The following TXNL4A variants were observed in gnomAD, a reference collection of about 807,000 sequenced individuals.
The protein encoded by TXNL4A is thioredoxin-like protein 4A.
Under a neutral mutation model 14.6 loss-of-function variants are expected in TXNL4A, and 17 were observed. The ratio of observed to expected loss-of-function variants is 1.16; its 90% CI spans 0.80 to 1.74. The LOEUF is 1.74. Among genes scored for constraint, TXNL4A ranks in the 40% most tolerant of loss-of-function variants. The pLI is 0.00. For synonymous variants in TXNL4A, 83 were observed against 70.6 expected (o/e 1.18, Z -0.88); for missense variants, 74 against 195.2 (o/e 0.38, Z 3.70).
At chr18:79,981,248 A>G (rs1272678656) in intron 1 of TXNL4A, among the ~76,000 whole-genome samples, 1 of 152,248 alleles carries the variant, frequency 6.6e-6, no homozygotes, top group Non-Finnish European at 1.5e-5. Flanking sequence ...TCATTTGGAC[A>G]GGGTTGTAAA....
At chr18:79,991,545 GTTGA>G (rs1421818870), upstream of TXNL4A, among the ~76,000 whole-genome samples, 2 of 152,194 alleles carry the variant, frequency 1.3e-5, no homozygotes, top group Admixed American at 6.5e-5. Flanking sequence ...TTATCCATCA[GTTGA>G]TTGACATTTG....
At chr18:80,014,447 C>G (rs528910779) in intron 1 of TXNL4A, among the ~76,000 whole-genome samples, 1 of 152,322 alleles carries the variant, frequency 6.6e-6, no homozygotes, top group African/African-American at 2.4e-5. Flanking sequence ...CCATGCAAGT[C>G]TGAAATCCAG....
chr18:79,994,516 C>T (rs905785282), intron 1 of TXNL4A, among the ~76,000 whole-genome samples: 2 of 151,030 alleles, frequency 1.3e-5, no homozygotes, highest in East Asian at 2.0e-4. Flanking sequence ...ACTCTCTAAT[C>T]GTTTTATCTC....
At chr18:80,006,167 C>T (rs1053071584) in intron 1 of TXNL4A, among the ~76,000 whole-genome samples, 5 of 151,666 alleles carry the variant, frequency 3.3e-5, no homozygotes, top group African/African-American at 9.7e-5. Context: ...GGGCGGATCA[C>T]GAGGTCAGGA....
chr18:79,987,551 G>T (rs545846193), intron 1 of TXNL4A, among the ~76,000 whole-genome samples: 48 of 152,238 alleles, frequency 3.2e-4, no homozygotes, highest in African/African-American at 1.1e-3. Flanking sequence ...CTCAATAAAA[G>T]TCATCCTAAA....
chr18:79,987,093 A>C (rs566089027), intron 1 of TXNL4A, among the ~76,000 whole-genome samples: 9 of 152,330 alleles, frequency 5.9e-5, no homozygotes, highest in Non-Finnish European at 1.0e-4. Flanking sequence ...AGGTGGTTCA[A>C]GGTCAAGTCG....
At chr18:80,006,007 C>G (rs906129230) in intron 1 of TXNL4A, among the ~76,000 whole-genome samples, 2 of 152,114 alleles carry the variant, frequency 1.3e-5, no homozygotes, top group African/African-American at 2.4e-5. Flanking sequence ...ATTTTGTAGT[C>G]CCAAGTACTC....
Position 79,982,435 on chromosome 18 carries a change from G to A in TXNL4A, c.154-4734C>T, listed in dbSNP as rs1399402162. 1.3e-5 allele frequency among the ~76,000 whole-genome samples: 2 copies of A among 152,214 alleles called. No homozygotes were observed. Among genetic ancestry groups the A allele is most frequent in the East Asian group, 1.9e-4 (1 of 5,200 alleles). Reference sequence around the variant, plus strand: ...GCTGTACAATGGAGTCTGGGCTGGAGAGAGCTACCTTACTGCCGCCACCTA... The same window carrying A: ...GCTGTACAATGGAGTCTGGGCTGGAAAGAGCTACCTTACTGCCGCCACCTA... On this transcript the variant is annotated intron_variant, in intron 1 of 2. Transcript: ENST00000269601. The surrounding 1 kb of genome is among the most constrained non-coding windows in gnomAD (Gnocchi z 4.0).
At chr18:80,021,993 C>CTTT (rs57141907) in intron 1 of TXNL4A, among the ~76,000 whole-genome samples, 20,996 of 150,206 alleles carry the variant, frequency 0.14, 1,582 homozygotes, top group East Asian at 0.27. Context: ...GCTAGAATAC[C>CTTT]TTTTTTTTTT....
chr18:79,988,177 G>C, intron 1 of TXNL4A, 63 bp downstream of exon 1: 1 of 1,391,558 alleles, frequency 7.2e-7, no homozygotes, highest in Admixed American at 2.2e-5. Context: ...GACGCCGGCA[G>C]GGCAGAGGCG....
chr18:79,991,629 A>C (rs937769080), upstream of TXNL4A, among the ~76,000 whole-genome samples: 8 of 152,152 alleles, frequency 5.3e-5, no homozygotes, highest in African/African-American at 1.9e-4. Flanking sequence ...TTTTGTGTGG[A>C]CTTAAGTTTT....
intron 1 of TXNL4A, among the ~76,000 whole-genome samples, chr18:80,024,266 T>C (rs1455552078): frequency 6.6e-6 from 1 of 152,152 alleles, no homozygotes; most frequent in African/African-American, 2.4e-5. Context: ...TGTTTTTGCA[T>C]TGGCAGAGAG....
chr18:80,015,967 C>T (rs200606731), intron 1 of TXNL4A, among the ~76,000 whole-genome samples: 14,717 of 135,290 alleles, frequency 0.11, 688 homozygotes, highest in East Asian at 0.37. Context: ...AACTAGTTTA[C>T]AGTCCCACCA....
chr18:80,031,201 G>T (rs1290667371), intron 1 of TXNL4A, among the ~76,000 whole-genome samples: 3 of 152,168 alleles, frequency 2.0e-5, no homozygotes, highest in Non-Finnish European at 4.4e-5. Context: ...CTTTGTGCTG[G>T]GAGCAAAGAA....
At chr18:79,989,301 G>A (rs1360801790), upstream of TXNL4A, among the ~76,000 whole-genome samples, 3 of 152,014 alleles carry the variant, frequency 2.0e-5, no homozygotes, top group African/African-American at 7.2e-5. Flanking sequence ...GTAGAGACGG[G>A]GTTTAACCAT....
rs186657536 is a variant in TXNL4A, at chr18:79,982,710, G to A, written c.154-5009C>T. 2.5e-4 allele frequency among the ~76,000 whole-genome samples: 38 copies of A among 152,308 alleles called. No individual in the cohort carries two copies. The highest frequency in any genetic ancestry group is 7.2e-4 in the Admixed American group (11 of 15,306). On this transcript the variant is annotated intron_variant, in intron 1 of 2. Coordinates refer to ENST00000269601, the MANE Select transcript of TXNL4A (RefSeq NM_006701.5). The surrounding 1 kb of genome is among the most constrained non-coding windows in gnomAD (Gnocchi z 4.0). ...TCAGTGTGGACAACTTTCAAAAGCC[G>A]TGGCTATGGAGAGAGAGGGAAGTTA... is the stretch of plus-strand genomic sequence containing the variant.
intron 1 of TXNL4A, among the ~76,000 whole-genome samples, chr18:80,025,352 C>A (rs933849631): frequency 2.6e-5 from 4 of 152,194 alleles, no homozygotes; most frequent in Non-Finnish European, 5.9e-5. Context: ...ACCTACACTC[C>A]CACTGTACCC....
At chr18:80,008,975 A>G (rs575819586) in intron 1 of TXNL4A, among the ~76,000 whole-genome samples, 320 of 151,732 alleles carry the variant, frequency 2.1e-3, no homozygotes, top group Middle Eastern at 0.014. Context: ...ACAAGGTGTC[A>G]CCATATTGGC....
At chr18:80,015,814 A>G (rs1311095335) in intron 1 of TXNL4A, among the ~76,000 whole-genome samples, 6 of 147,706 alleles carry the variant, frequency 4.1e-5, no homozygotes, top group East Asian at 2.0e-4. Context: ...TAGTGCTGCA[A>G]TAAACATATG....
Sources: gnomAD v4.1 joint callset for allele counts (sites outside exome capture counted in the v4.1 genomes callset) on GRCh38, gnomAD v4.1.1 for gene constraint, Gnocchi (gnomAD v3.1) non-coding constraint, MANE v1.5 for transcripts, NCBI Gene and HGNC (gene_info 2026-07-23, HGNC 2026-07-21) for gene names.